Variants in CACNA1E observed in about 807,000 individuals in gnomAD.
The protein encoded by CACNA1E is voltage-dependent R-type calcium channel subunit alpha-1E.
In CACNA1E, 40 loss-of-function variants were observed where a neutral mutation model predicts 259.2. That is an observed-to-expected ratio of 0.15 (90% CI 0.12 to 0.20). The LOEUF (loss-of-function observed/expected upper bound fraction) is 0.20. CACNA1E is among the 10% of genes least tolerant of loss of function. The pLI is 1.00. For missense variants in CACNA1E, 1,874 were observed against 3,040.1 expected (o/e 0.62, Z 9.02); for synonymous variants, 1,104 against 1,138.5 (o/e 0.97, Z 0.61).
intron 6 of CACNA1E, among the ~76,000 whole-genome samples, chr1:181,646,048 C>G (rs1391091235): frequency 6.6e-6 from 1 of 152,150 alleles, no homozygotes; most frequent in African/African-American, 2.4e-5. Flanking sequence ...CCACTCACTG[C>G]TCTGTGAATT....
chr1:181,724,672 A>G lies in CACNA1E; in HGVS notation c.2142+135A>G, dbSNP rs1654726699. On this transcript the variant is annotated intron_variant, in intron 17 of 47. Transcript: ENST00000367573. ...AGGCCCTTTCTGGAAACTTCTGGAC[A>G]GTTGGAGAGCCACACACCCATGACG... 5.9e-6 allele frequency: 4 copies of G among 683,606 alleles called. No individual in the cohort carries two copies. The Admixed American group carries it at 7.4e-5, about 13-fold the overall frequency. The allele number at this position is 683,606 out of a possible 1,614,324, so 42.3% of individuals were successfully genotyped here.
chr1:181,759,216 T>TAAC (rs537081497), intron 32 of CACNA1E, among the ~76,000 whole-genome samples: 173 of 152,344 alleles, frequency 1.1e-3, no homozygotes, highest in Non-Finnish European at 1.8e-3. Context: ...GTAAAAGGTA[T>TAAC]AACAGTTTTA....
chr1:181,601,570 AC>A (rs1246900336), intron 6 of CACNA1E, among the ~76,000 whole-genome samples: 4 of 152,028 alleles, frequency 2.6e-5, no homozygotes, highest in Non-Finnish European at 5.9e-5. Flanking sequence ...TTTGTCTTAC[AC>A]CCCACATTTA....
chr1:181,461,396 C>CCGGGGGTGGTGG (rs1661801448), intron 2 of CACNA1E, among the ~76,000 whole-genome samples: 1 of 151,676 alleles, frequency 6.6e-6, no homozygotes, highest in Admixed American at 6.6e-5. Flanking sequence ...AAAAAATTAG[C>CCGGGGGTGGTGG]CGGGCGTGGT....
chr1:181,742,155 C>A (rs1441683913), intron 25 of CACNA1E, among the ~76,000 whole-genome samples: 4 of 152,180 alleles, frequency 2.6e-5, no homozygotes, highest in Admixed American at 6.5e-5. Flanking sequence ...CTCATGCACC[C>A]ATGCTTTCTA....
chr1:181,789,805 C>A (rs1661139377), intron 43 of CACNA1E, among the ~76,000 whole-genome samples: 1 of 152,224 alleles, frequency 6.6e-6, no homozygotes, highest in South Asian at 2.1e-4. Flanking sequence ...AACAACTGGG[C>A]AGACTTTGTC....
chr1:181,704,176 C>A (rs889069591), intron 7 of CACNA1E, among the ~76,000 whole-genome samples: 1 of 152,156 alleles, frequency 6.6e-6, no homozygotes, highest in African/African-American at 2.4e-5. Flanking sequence ...AGGGATAAAG[C>A]ATAAACAACT....
chr1:181,663,763 T>C (rs1014909088), intron 7 of CACNA1E, among the ~76,000 whole-genome samples: 1 of 152,248 alleles, frequency 6.6e-6, no homozygotes, highest in East Asian at 1.9e-4. Flanking sequence ...TTATGATAGG[T>C]TGGACATTTT....
At chr1:181,411,652 C>G (rs1331228677) in intron 1 of CACNA1E, among the ~76,000 whole-genome samples, 1 of 152,172 alleles carries the variant, frequency 6.6e-6, no homozygotes, top group East Asian at 1.9e-4. Flanking sequence ...TTCTGTCACC[C>G]AGGCTGGAGT....
At chr1:181,621,364 A>C (rs1395386579) in intron 6 of CACNA1E, among the ~76,000 whole-genome samples, 1 of 152,232 alleles carries the variant, frequency 6.6e-6, no homozygotes, top group Non-Finnish European at 1.5e-5. Flanking sequence ...GGAAAACCAT[A>C]AACCAGGAAA....
intron 18 of CACNA1E, among the ~76,000 whole-genome samples, chr1:181,728,037 T>A (rs1040795687): frequency 3.9e-5 from 6 of 152,118 alleles, no homozygotes; most frequent in African/African-American, 7.2e-5. Context: ...TCCAAATCGT[T>A]AAAGGTTGAT....
intron 25 of CACNA1E, among the ~76,000 whole-genome samples, chr1:181,745,007 C>G (rs1049913055): frequency 6.6e-6 from 1 of 152,144 alleles, no homozygotes; most frequent in African/African-American, 2.4e-5. Context: ...GATTTTTGTG[C>G]CCAGACAAGG....
intron 29 of CACNA1E, among the ~76,000 whole-genome samples, chr1:181,756,441 G>T (rs1456025473): frequency 6.6e-6 from 1 of 152,138 alleles, no homozygotes; most frequent in Non-Finnish European, 1.5e-5. Context: ...TATCCTCCAG[G>T]GGGGCCCAGC....
At chr1:181,585,245 A>G (rs903188876) in intron 6 of CACNA1E, among the ~76,000 whole-genome samples, 1 of 152,168 alleles carries the variant, frequency 6.6e-6, no homozygotes, top group African/African-American at 2.4e-5. Context: ...CTTCTTTTTA[A>G]TTGGCAGAAC....
intron 6 of CACNA1E, among the ~76,000 whole-genome samples, chr1:181,584,105 T>C (rs535048958): frequency 2.8e-4 from 43 of 152,302 alleles, no homozygotes; most frequent in Non-Finnish European, 4.7e-4. Context: ...TTTGTCATTA[T>C]AGTTTTATGT....
chr1:181,614,743 AC>A (rs1459187128), intron 6 of CACNA1E, among the ~76,000 whole-genome samples: 1 of 152,214 alleles, frequency 6.6e-6, no homozygotes, highest in Admixed American at 6.5e-5. Flanking sequence ...ATACATTTTA[AC>A]TTTTTATAAT....
intron 3 of CACNA1E, among the ~76,000 whole-genome samples, chr1:181,519,479 A>G (rs1666837487): frequency 6.6e-6 from 1 of 152,214 alleles, no homozygotes; most frequent in Admixed American, 6.5e-5. Flanking sequence ...TGCTGGTTTA[A>G]GAAAGAACGT....
intron 6 of CACNA1E, among the ~76,000 whole-genome samples, chr1:181,647,652 T>G (rs1005567815): frequency 4.6e-5 from 7 of 152,196 alleles, no homozygotes; most frequent in African/African-American, 1.7e-4. Context: ...AGTCATTGTC[T>G]CTCCTACACT....
intron 2 of CACNA1E, among the ~76,000 whole-genome samples, chr1:181,437,576 A>G (rs747035493): frequency 1.2e-4 from 18 of 152,072 alleles, no homozygotes; most frequent in Non-Finnish European, 2.2e-4. Flanking sequence ...CCTGAGTCCC[A>G]TGGTTCTTTC....
Sources: allele counts gnomAD v4.1 joint callset (sites outside exome capture counted in the v4.1 genomes callset), GRCh38; gene constraint gnomAD v4.1.1; transcripts MANE v1.5; gene names NCBI Gene and HGNC (gene_info 2026-07-23, HGNC 2026-07-21).